Variants in SHTN1 observed in about 807,000 individuals in gnomAD.
SHTN1 encodes the protein shootin 1.
A neutral mutation model predicts 83.1 loss-of-function variants in SHTN1; 42 were observed. The observed-to-expected ratio is 0.51, with a 90% CI of 0.39 to 0.65. The LOEUF (loss-of-function observed/expected upper bound fraction) is 0.65, where lower values mean the gene tolerates loss of function less well. Among genes scored for constraint, SHTN1 ranks in the 30% least tolerant of loss-of-function variants. The pLI, the probability that SHTN1 is intolerant of heterozygous loss-of-function variation, is 0.00. For missense variants in SHTN1, 622 were observed against 737.8 expected (o/e 0.84, Z 1.82); for synonymous variants, 224 against 247.7 (o/e 0.90, Z 0.90).
intron 16 of SHTN1, among the ~76,000 whole-genome samples, chr10:116,890,685 C>A (rs1199411348): frequency 6.6e-6 from 1 of 152,196 alleles, no homozygotes; most frequent in Non-Finnish European, 1.5e-5. Context: ...CTTGGGTGAC[C>A]TTTTAGAAAG....
At chr10:116,903,208 C>T (rs555358787) in intron 15 of SHTN1, among the ~76,000 whole-genome samples, 8 of 152,304 alleles carry the variant, frequency 5.3e-5, no homozygotes, top group African/African-American at 1.4e-4. Context: ...TAGGCAGACA[C>T]GTTTGGACAT....
intron 1 of SHTN1, among the ~76,000 whole-genome samples, chr10:117,088,872 G>A (rs1034385960): frequency 6.6e-6 from 1 of 152,178 alleles, no homozygotes; most frequent in African/African-American, 2.4e-5. Flanking sequence ...ACACACATCA[G>A]GGGTCTTGTC....
At chr10:116,941,287 T>C (rs1246591332) in intron 8 of SHTN1, among the ~76,000 whole-genome samples, 4 of 152,204 alleles carry the variant, frequency 2.6e-5, no homozygotes, top group Non-Finnish European at 4.4e-5. Context: ...AACTAATTAG[T>C]TTCTCCCTAG....
intron 16 of SHTN1, 111 bp from the exon 17 acceptor site, chr10:116,886,677 C>A: frequency 1.4e-6 from 2 of 1,423,802 alleles, no homozygotes; most frequent in South Asian, 1.3e-5. Context: ...TAAGTCTAAT[C>A]AACATGCATA....
chr10:117,108,378 T>C lies in SHTN1; in HGVS notation c.-189+17929A>G, dbSNP rs540832466. 1.8e-4 allele frequency among the ~76,000 whole-genome samples: 28 copies of C among 151,710 alleles called. No individual in the cohort carries two copies. In the South Asian group the frequency reaches 5.9e-3, roughly 32 times the overall value. ...TACACCATGGAATACTATGCAGCCA[T>C]AAAAAAGGATGAGTTCATGTCCTTT... On this transcript the variant is annotated intron_variant, in intron 1 of 17. Transcript: ENST00000392901.
upstream of SHTN1, among the ~76,000 whole-genome samples, chr10:117,007,373 T>C (rs1852036180): frequency 6.6e-6 from 1 of 151,790 alleles, no homozygotes; most frequent in Admixed American, 6.6e-5. Context: ...AGTAGTTAGA[T>C]AGTATTTCTG....
chr10:117,033,683 C>T (rs1398505231), intron 2 of SHTN1, among the ~76,000 whole-genome samples: 1 of 151,148 alleles, frequency 6.6e-6, no homozygotes, highest in Non-Finnish European at 1.5e-5. Flanking sequence ...TCTATGAGGG[C>T]AGTATTACCC....
chr10:117,126,200 G>C (rs1854004680), intron 1 of SHTN1: 2 of 153,270 alleles, frequency 1.3e-5, no homozygotes, highest in Non-Finnish European at 2.9e-5. Context: ...ACCCAGGAAG[G>C]TATTTTCAGT....
intron 1 of SHTN1, among the ~76,000 whole-genome samples, chr10:117,102,279 A>G (rs1853605112): frequency 6.6e-6 from 1 of 152,186 alleles, no homozygotes. Context: ...CCTGCAAACC[A>G]AATCTCAAAT....
chr10:117,077,682 T>A (rs577092022), intron 1 of SHTN1, among the ~76,000 whole-genome samples: 3 of 152,052 alleles, frequency 2.0e-5, no homozygotes, highest in Non-Finnish European at 2.9e-5. Flanking sequence ...CCTGTGTCCA[T>A]GTGTTCTCAT....
chr10:116,904,283 C>G (rs763531198), intron 15 of SHTN1, among the ~76,000 whole-genome samples: 11 of 152,144 alleles, frequency 7.2e-5, no homozygotes, highest in Admixed American at 1.3e-4. Flanking sequence ...TACTTTCCCC[C>G]CTGGAATTTT....
intron 1 of SHTN1, among the ~76,000 whole-genome samples, chr10:117,122,579 A>G (rs1259974550): frequency 6.6e-6 from 1 of 152,280 alleles, no homozygotes; most frequent in African/African-American, 2.4e-5. Context: ...AAGCAAAACC[A>G]CAATGAGGCA....
intron 4 of SHTN1, among the ~76,000 whole-genome samples, chr10:116,958,699 G>T (rs4092881): frequency 2.6e-4 from 39 of 152,112 alleles, no homozygotes; most frequent in African/African-American, 7.2e-4. Context: ...TTAAATAAAA[G>T]GGGAGACAGA....
At chr10:116,896,891 C>G (rs1341103300) in intron 16 of SHTN1, among the ~76,000 whole-genome samples, 2 of 151,480 alleles carry the variant, frequency 1.3e-5, no homozygotes. Context: ...ACTGCAACCT[C>G]CACCTCCTGG....
chr10:117,010,636 T>G (rs1852089927), intron 2 of SHTN1, among the ~76,000 whole-genome samples: 1 of 152,100 alleles, frequency 6.6e-6, no homozygotes, highest in Non-Finnish European at 1.5e-5. Context: ...AGAAAAGAAA[T>G]GTACACACCA....
At chr10:117,125,445 A>C (rs776463779) in intron 1 of SHTN1, among the ~76,000 whole-genome samples, 3 of 152,104 alleles carry the variant, frequency 2.0e-5, no homozygotes, top group East Asian at 1.9e-4. Context: ...AGACCTCGAC[A>C]CCAATCTGTT....
intron 1 of SHTN1, among the ~76,000 whole-genome samples, chr10:117,078,402 C>T (rs1185375839): frequency 6.6e-6 from 1 of 152,144 alleles, no homozygotes; most frequent in East Asian, 1.9e-4. Context: ...CTTGTGGCCA[C>T]CGCTGGTGAC....
intron 1 of SHTN1, among the ~76,000 whole-genome samples, chr10:117,088,926 C>A (rs977219835): frequency 1.3e-5 from 2 of 152,190 alleles, no homozygotes; most frequent in Non-Finnish European, 2.9e-5. Flanking sequence ...TCCTAACAGA[C>A]CATGAACGTG....
intron 8 of SHTN1, among the ~76,000 whole-genome samples, chr10:116,941,891 C>T: frequency 6.6e-6 from 1 of 152,174 alleles, no homozygotes; most frequent in East Asian, 1.9e-4. Context: ...CAGAAGCTTT[C>T]CTTCTTTGCC....
Sources: gnomAD v4.1 joint callset for allele counts (sites outside exome capture counted in the v4.1 genomes callset) on GRCh38, gnomAD v4.1.1 for gene constraint, MANE v1.5 for transcripts, NCBI Gene and HGNC (gene_info 2026-07-23, HGNC 2026-07-21) for gene names.